The following SEMA5A variants were observed in gnomAD, a reference collection of about 807,000 sequenced individuals.
SEMA5A encodes the protein semaphorin 5A, also known as semaphorin-5A.
Under a neutral mutation model 135.5 loss-of-function variants are expected in SEMA5A, and 55 were observed. The ratio of observed to expected loss-of-function variants is 0.41; its 90% confidence interval spans 0.33 to 0.51. The LOEUF is 0.51. SEMA5A is among the 20% of genes least tolerant of loss of function. The pLI is 0.37. For missense variants in SEMA5A, 1,290 were observed against 1,419.9 expected, an observed-to-expected ratio of 0.91 and a Z score of 1.47; for synonymous variants, 580 against 546.5, an observed-to-expected ratio of 1.06 and a Z score of -0.85.
chr5:9,136,464 T>C (rs1470324120), intron 13 of SEMA5A, 40 bp downstream of exon 13: 3 of 1,534,828 alleles, frequency 2.0e-6, no homozygotes, highest in Non-Finnish European at 1.8e-6. Flanking sequence ...ATGGCTCCCA[T>C]GGGCAGCATT....
intron 5 of SEMA5A, chr5:9,265,411 T>C (rs1297391999): frequency 2.2e-6 from 1 of 456,082 alleles, no homozygotes; most frequent in Non-Finnish European, 4.4e-6. Flanking sequence ...CCCATCCTTC[T>C]ATGGAAACCA....
rs1735640756 is a variant in SEMA5A at position 9,036,085 on chromosome 5, C to T, written c.*6812G>A. 1 of 151,880 alleles carries T rather than the reference C, an allele frequency of 6.6e-6. No homozygotes were observed. The highest frequency in any genetic ancestry group is 1.5e-5 in the Non-Finnish European group (1 of 68,000). The allele number at this position is 151,880 out of a possible 1,614,324, so 9.4% of individuals were successfully genotyped here. A position where few individuals can be genotyped will look rare whatever the true frequency, so the allele number is the denominator to read the frequency against. On this transcript the variant is annotated 3_prime_UTR_variant, in exon 23 of 23. Transcript: ENST00000382496. The stretch of plus-strand genomic sequence containing the variant: ...TTAAAAGTTACATCAAGCGGCATAG[C>T]ACAAAAGTTTTGCTATGCACTTTTG...
At chr5:9,276,257 G>A (rs948878893) in intron 5 of SEMA5A, among the ~76,000 whole-genome samples, 11 of 152,218 alleles carry the variant, frequency 7.2e-5, no homozygotes, top group African/African-American at 2.7e-4. Flanking sequence ...TACAATGGAT[G>A]TGAAGGGCCT....
At chr5:9,436,648 C>T (rs537486314) in intron 2 of SEMA5A, among the ~76,000 whole-genome samples, 2 of 152,130 alleles carry the variant, frequency 1.3e-5, no homozygotes, top group Non-Finnish European at 2.9e-5. Flanking sequence ...AAAATATAAG[C>T]CTGTCCACAA....
chr5:9,505,545 C>A (rs1429739077), intron 1 of SEMA5A, among the ~76,000 whole-genome samples: 1 of 152,176 alleles, frequency 6.6e-6, no homozygotes, highest in Non-Finnish European at 1.5e-5. Context: ...GTTGTCAAAC[C>A]AGACTGGTTC....
At chr5:9,214,464 C>T (rs149365909) in intron 8 of SEMA5A, among the ~76,000 whole-genome samples, 71 of 152,144 alleles carry the variant, frequency 4.7e-4, no homozygotes, top group Non-Finnish European at 7.3e-4. Context: ...TAAGAAATTG[C>T]ACCTGGAACT....
Position 9,044,604 on chromosome 5 carries a change from G to T in SEMA5A, c.2894-20C>A, listed in dbSNP as rs376156651. ...TGAACTCTAGGGAGACATGAGCAAAGTGATGCCACACTTGAAAAGAACATC... is the reference window on the plus strand; with the variant it reads ...TGAACTCTAGGGAGACATGAGCAAATTGATGCCACACTTGAAAAGAACATC... On this transcript the variant is annotated intron_variant, in intron 21 of 22. Transcript: ENST00000382496. 36 of 1,600,670 alleles carry T rather than the reference G, an allele frequency of 2.2e-5. No individual in the cohort carries two copies. Among genetic ancestry groups the T allele is most frequent in the Non-Finnish European group, 3.1e-5 (36 of 1,168,286 alleles).
intron 1 of SEMA5A, among the ~76,000 whole-genome samples, chr5:9,459,341 T>C (rs1406093880): frequency 6.6e-6 from 1 of 152,214 alleles, no homozygotes; most frequent in African/African-American, 2.4e-5. Context: ...TAGGTCGTTA[T>C]ATTATATAAA....
chr5:9,060,873 T>G (rs1232957941), intron 18 of SEMA5A, among the ~76,000 whole-genome samples: 1 of 152,180 alleles, frequency 6.6e-6, no homozygotes, highest in Non-Finnish European at 1.5e-5. Context: ...GCCAGTTTCT[T>G]GATGTAAGAA....
At chr5:9,095,769 A>C (rs1279938828) in intron 16 of SEMA5A, among the ~76,000 whole-genome samples, 2 of 152,256 alleles carry the variant, frequency 1.3e-5, no homozygotes, top group African/African-American at 2.4e-5. Context: ...GATATAATTA[A>C]GCATTTCTGT....
intron 2 of SEMA5A, among the ~76,000 whole-genome samples, chr5:9,428,848 T>C (rs1383097014): frequency 6.6e-6 from 1 of 152,204 alleles, no homozygotes; most frequent in Non-Finnish European, 1.5e-5. Context: ...GAAGTTATAT[T>C]TTACAAAATT....
intron 21 of SEMA5A, among the ~76,000 whole-genome samples, 170 bp downstream of exon 21, chr5:9,050,240 A>G (rs961084856): frequency 6.6e-6 from 1 of 152,184 alleles, no homozygotes. Flanking sequence ...CGGTACATCA[A>G]ATATTGACTA....
At position 9,119,152 on chromosome 5, in the gene SEMA5A, G is replaced by T. The variant is rs377235845; in HGVS notation, c.1782-11C>A. ...GTCCAGCCTCCGTTCCTGAGGGAAG[G>T]GAAGCAATGCAATCATTAGGTCCCG... On this transcript the variant is annotated splice_polypyrimidine_tract_variant and intron_variant, in intron 14 of 22. Coordinates refer to ENST00000382496, the MANE Select transcript of SEMA5A (RefSeq NM_003966.3). 6 of 1,612,560 alleles carry T rather than the reference G, an allele frequency of 3.7e-6. No homozygotes were observed. The highest frequency in any genetic ancestry group is 5.1e-6 in the Non-Finnish European group (6 of 1,179,514).
chr5:9,085,277 G>A (rs1041580982), intron 16 of SEMA5A, among the ~76,000 whole-genome samples: 1 of 152,218 alleles, frequency 6.6e-6, no homozygotes, highest in Non-Finnish European at 1.5e-5. Flanking sequence ...GGAGCCAAAT[G>A]TTAATCCCCA....
intron 5 of SEMA5A, among the ~76,000 whole-genome samples, chr5:9,249,172 C>T (rs1748641511): frequency 6.6e-6 from 1 of 152,142 alleles, no homozygotes; most frequent in South Asian, 2.1e-4. Flanking sequence ...TTTGAGAAAG[C>T]CTAGACACAG....
chr5:9,302,760 G>T (rs1751671778), intron 5 of SEMA5A, among the ~76,000 whole-genome samples: 1 of 152,186 alleles, frequency 6.6e-6, no homozygotes, highest in East Asian at 1.9e-4. Flanking sequence ...CGGTGAGAAA[G>T]AAGATACATA....
intron 12 of SEMA5A, among the ~76,000 whole-genome samples, chr5:9,144,876 A>C (rs1440880025): frequency 6.6e-6 from 1 of 152,180 alleles, no homozygotes; most frequent in Non-Finnish European, 1.5e-5. Flanking sequence ...AAGGAGAAGA[A>C]TCCTCCTCTC....
At chr5:9,331,028 C>T (rs1230952731) in intron 4 of SEMA5A, among the ~76,000 whole-genome samples, 2 of 152,188 alleles carry the variant, frequency 1.3e-5, no homozygotes, top group Non-Finnish European at 2.9e-5. Flanking sequence ...CACTGCTAAT[C>T]TCTGATTTCA....
At chr5:9,380,851 G>T (rs1755570033) in intron 2 of SEMA5A, among the ~76,000 whole-genome samples, 1 of 152,170 alleles carries the variant, frequency 6.6e-6, no homozygotes, top group South Asian at 2.1e-4. Context: ...ATCTATGACG[G>T]GTCCATGCAG....
Sources: gnomAD v4.1 joint callset for allele counts (sites outside exome capture counted in the v4.1 genomes callset) on GRCh38, gnomAD v4.1.1 for gene constraint, MANE v1.5 for transcripts, NCBI Gene and HGNC (gene_info 2026-07-23, HGNC 2026-07-21) for gene names.